SPTA1: variants seen among roughly 807,000 people sequenced by gnomAD.
SPTA1 encodes the protein spectrin alpha chain, erythrocytic 1.
In SPTA1, 177 loss-of-function variants were observed where a neutral mutation model predicts 324.7. The ratio of observed to expected loss-of-function variants is 0.55; its 90% CI spans 0.48 to 0.62. SPTA1 has a LOEUF of 0.62. Ranked by LOEUF, SPTA1 falls within the 20% of genes least tolerant of loss-of-function variation. SPTA1 has a pLI of 0.00. For synonymous variants in SPTA1, 1,195 were observed against 1,041.3 expected, an observed-to-expected ratio of 1.15 and a Z score of -2.84; for missense variants, 3,162 against 2,883.6, an observed-to-expected ratio of 1.10 and a Z score of -2.21.
intron 37 of SPTA1, 41 bp from the exon 38 acceptor site, chr1:158,636,075 C>T: frequency 1.2e-6 from 2 of 1,614,044 alleles, no homozygotes; most frequent in African/African-American, 1.3e-5. Flanking sequence ...ACCCCACAAT[C>T]TCTCCCCATT....
chr1:158,643,885 T>A (rs1571433012), intron 30 of SPTA1, among the ~76,000 whole-genome samples: 1 of 151,968 alleles, frequency 6.6e-6, no homozygotes, highest in African/African-American at 2.4e-5. Flanking sequence ...TCCTATAATC[T>A]CAGCACTTTG....
chr1:158,634,210 C>A (rs857723), intron 39 of SPTA1, among the ~76,000 whole-genome samples: 1 of 151,970 alleles, frequency 6.6e-6, no homozygotes, highest in African/African-American at 2.4e-5. Context: ...CATGAAAATT[C>A]AAGGGAATCC....
At chr1:158,681,443 T>A in intron 4 of SPTA1, 84 bp downstream of exon 4, 1 of 1,601,988 alleles carries the variant, frequency 6.2e-7, no homozygotes, top group Non-Finnish European at 8.5e-7. Context: ...GACTTCCTTG[T>A]GAGTAGTCTG....
intron 51 of SPTA1, chr1:158,612,319 A>G (rs1477671507): frequency 1.0e-5 from 2 of 193,576 alleles, no homozygotes; most frequent in Non-Finnish European, 2.1e-5. Flanking sequence ...TATTTTAAGG[A>G]GAGGAATGAA....
chr1:158,662,538 A>G (rs1477511191), intron 17 of SPTA1, among the ~76,000 whole-genome samples, 164 bp downstream of exon 17: 1 of 152,138 alleles, frequency 6.6e-6, no homozygotes, highest in Non-Finnish European at 1.5e-5. Context: ...TTTTAGTATA[A>G]TTTTTAAAAA....
In SPTA1 at chr1:158,639,593, A is replaced by G. The variant is rs772817383; in HGVS notation, c.4969T>C (p.Leu1657=). 18 of 1,613,888 alleles carry G rather than the reference A, an allele frequency of 1.1e-5. No individual in the cohort carries two copies. The highest frequency in any genetic ancestry group is 1.5e-5 in the Non-Finnish European group (18 of 1,179,860). Residue 1657 remains leucine (L), a synonymous_variant, in exon 35 of 52, where the codon TTG becomes CTG. Coordinates refer to ENST00000643759, the MANE Select transcript of SPTA1 (RefSeq NM_003126.4). ...KKHQLLEREM[L]AREDALKDLN... ...CCAACACTACTTACCTCTCGAGCCA[A>G]CATCTCTCTCTCCAATAGCTGATGC...
intron 15 of SPTA1, among the ~76,000 whole-genome samples, chr1:158,666,936 C>G (rs949405011): frequency 2.0e-5 from 3 of 152,106 alleles, no homozygotes; most frequent in Admixed American, 1.3e-4. Flanking sequence ...CGCTTTCCCC[C>G]CTTAGTGCCT....
intron 11 of SPTA1, among the ~76,000 whole-genome samples, chr1:158,671,733 T>C (rs913869975): frequency 1.3e-5 from 2 of 152,196 alleles, no homozygotes; most frequent in African/African-American, 4.8e-5. Context: ...TCAAGTGGCC[T>C]ACTCACCTCC....
rs768957511 is a variant in SPTA1, at chr1:158,611,329, G to C, written c.7195C>G (p.Arg2399Gly). ...ATHMQQYMDP[R>G]GRSHLSGYDY... The stretch of plus-strand genomic sequence containing the variant: ...TAGCCAGAGAGATGGCTTCGACCCC[G>C]TGGGTCCATATATTGCTGCATATGT... Residue 2399 changes from arginine to glycine, a missense_variant, in exon 52 of 52, where the codon CGG becomes GGG. By Grantham distance (125) the Arg-to-Gly change is moderately radical. Transcript: ENST00000643759. 11 of 1,613,786 alleles carry C rather than the reference G, an allele frequency of 6.8e-6. No individual in the cohort carries two copies. In the East Asian group the frequency reaches 2.2e-4, roughly 33 times the overall value.
intron 3 of SPTA1, 130 bp downstream of exon 3, chr1:158,683,241 C>T: frequency 7.5e-7 from 1 of 1,335,972 alleles, no homozygotes; most frequent in South Asian, 1.2e-5. Flanking sequence ...TGCCTCAACC[C>T]CAGGGGAAGA....
chr1:158,673,659 G>A (rs940908463), intron 10 of SPTA1, among the ~76,000 whole-genome samples: 1 of 152,200 alleles, frequency 6.6e-6, no homozygotes, highest in Non-Finnish European at 1.5e-5. Context: ...AATGAATAAG[G>A]TGCAGTCCTC....
At position 158,642,405 on chromosome 1, in the gene SPTA1, C is replaced by A. The variant is rs1365783184; in HGVS notation, c.4737+6G>T. On this transcript the variant is annotated splice_donor_region_variant and intron_variant, in intron 33 of 51. Transcript: ENST00000643759. Reference sequence around the variant, plus strand: ...TTTGTAGCCCAAAACTCATCCTGAGCTTTACCTTCATGGCCTCTTCATTGC... The same window carrying A: ...TTTGTAGCCCAAAACTCATCCTGAGATTTACCTTCATGGCCTCTTCATTGC... 10 of 1,612,864 alleles carry A rather than the reference C, an allele frequency of 6.2e-6. No individual in the cohort carries two copies. The African/African-American group carries it at 6.7e-5, about 11-fold the overall frequency.
At chr1:158,664,658 A>T (rs952976237) in intron 16 of SPTA1, among the ~76,000 whole-genome samples, 10 of 152,232 alleles carry the variant, frequency 6.6e-5, no homozygotes, top group Admixed American at 6.5e-4. Flanking sequence ...CCAGAACTTA[A>T]AGTAAAATAA....
chr1:158,626,780 T>C (rs1160834909), intron 41 of SPTA1, 59 bp downstream of exon 41: 1 of 1,607,414 alleles, frequency 6.2e-7, no homozygotes, highest in East Asian at 2.2e-5. Context: ...ATTCTACACA[T>C]GGATGGGATT....
intron 48 of SPTA1, chr1:158,614,555 C>T (rs576263898): frequency 8.3e-5 from 35 of 424,158 alleles, no homozygotes; most frequent in African/African-American, 6.8e-4. Context: ...TTTTTTGAAA[C>T]ATGAAAATTA....
intron 10 of SPTA1, among the ~76,000 whole-genome samples, 165 bp from the exon 11 acceptor site, chr1:158,672,361 T>C (rs1349110061): frequency 6.6e-6 from 1 of 152,118 alleles, no homozygotes; most frequent in Non-Finnish European, 1.5e-5. Context: ...ATAGGAAGAA[T>C]GGGATAAATT....
chr1:158,648,065 A>G (rs1446461517), intron 26 of SPTA1, among the ~76,000 whole-genome samples: 2 of 152,188 alleles, frequency 1.3e-5, no homozygotes, highest in Non-Finnish European at 2.9e-5. Context: ...GCCTCTGAGT[A>G]TATCTGACAA....
chr1:158,682,930 T>A (rs895524145), intron 3 of SPTA1, among the ~76,000 whole-genome samples: 1 of 152,036 alleles, frequency 6.6e-6, no homozygotes, highest in African/African-American at 2.4e-5. Flanking sequence ...TAGGGTATGG[T>A]GTATGAAAAG....
intron 23 of SPTA1, 48 bp from the exon 24 acceptor site, chr1:158,651,516 T>C (rs757237314): frequency 4.7e-6 from 6 of 1,267,250 alleles, no homozygotes; most frequent in Non-Finnish European, 6.9e-6. Flanking sequence ...TCCAAAGCAG[T>C]GTAAATCCCC....
Sources: allele counts gnomAD v4.1 joint callset (sites outside exome capture counted in the v4.1 genomes callset), GRCh38; gene constraint gnomAD v4.1.1; transcripts MANE v1.5; gene names NCBI Gene and HGNC (gene_info 2026-07-23, HGNC 2026-07-21).